Variants in PTPRQ observed in about 807,000 individuals in gnomAD.
PTPRQ encodes phosphatidylinositol phosphatase PTPRQ.
A neutral mutation model predicts 246.0 loss-of-function variants in PTPRQ; 199 were observed. The observed-to-expected ratio is 0.81, with a 90% CI of 0.72 to 0.91. PTPRQ has a LOEUF of 0.91. PTPRQ is among the 40% of genes least tolerant of loss of function. The probability of loss-of-function intolerance (pLI) is 0.00; values close to 1 mark genes in which losing one functional copy is unlikely to be tolerated. For missense variants in PTPRQ, 2,624 were observed against 2,528.4 expected, an observed-to-expected ratio of 1.04 and a Z score of -0.81; for synonymous variants, 869 against 853.2, an observed-to-expected ratio of 1.02 and a Z score of -0.32.
chr12:80,569,149 T>G (rs1897066726), intron 25 of PTPRQ, among the ~76,000 whole-genome samples: 1 of 147,942 alleles, frequency 6.8e-6, no homozygotes, highest in African/African-American at 2.5e-5. Context: ...TTTTTTTTTT[T>G]ACTTTTTAAA....
Position 80,510,325 on chromosome 12 carries a change from C to G in PTPRQ, c.2560C>G (p.Pro854Ala). The G allele has an allele frequency of 6.5e-7, 1 of 1,542,698 alleles. No homozygotes were observed. The highest frequency in any genetic ancestry group is 8.7e-7 in the Non-Finnish European group (1 of 1,142,892). ...TATTCTATACCCTAACTTTACAGCTCCTGATTCTCCCCCTCAAGACTTCTC... is the reference window on the plus strand; with the variant it reads ...TATTCTATACCCTAACTTTACAGCTGCTGATTCTCCCCCTCAAGACTTCTC... ...PISILTEEDA[P>A]DSPPQDFSVK... The change falls in exon 17 of 45, where the codon CCT becomes GCT. Residue 854 changes from proline (P) to alanine (A), a missense_variant and splice_region_variant. Transcript: ENST00000644991.
intron 42 of PTPRQ, among the ~76,000 whole-genome samples, 200 bp downstream of exon 42, chr12:80,670,692 C>G (rs995197992): frequency 6.6e-6 from 1 of 151,952 alleles, no homozygotes; most frequent in African/African-American, 2.4e-5. Context: ...TGACTCGAGT[C>G]TTTTTCACAG....
intron 26 of PTPRQ, among the ~76,000 whole-genome samples, chr12:80,589,182 G>A (rs1897712596): frequency 6.6e-6 from 1 of 152,074 alleles, no homozygotes; most frequent in Non-Finnish European, 1.5e-5. Flanking sequence ...CCATAATTAA[G>A]TAAAAAATGT....
At chr12:80,450,963 C>A (rs796614577) in intron 3 of PTPRQ, among the ~76,000 whole-genome samples, 1 of 152,182 alleles carries the variant, frequency 6.6e-6, no homozygotes, top group East Asian at 1.9e-4. Context: ...GTACCAGTTC[C>A]TCCTTGTACC....
rs548898060 is a variant in PTPRQ at position 80,461,059 on chromosome 12, A to G, written c.910+157A>G. 6.6e-5 allele frequency among the ~76,000 whole-genome samples: 10 copies of G among 152,312 alleles called. No homozygotes were observed. The East Asian group carries it at 9.6e-4, about 15-fold the overall frequency. On this transcript the variant is annotated intron_variant, in intron 6 of 44. Coordinates refer to ENST00000644991, the MANE Select transcript of PTPRQ (RefSeq NM_001145026.2). ...CCATCAAGGGTTTCTTCGAATTTCT[A>G]TACTCTTTTATATTATAGCACAAAA...
chr12:80,545,051 C>T (rs574108128), intron 23 of PTPRQ, among the ~76,000 whole-genome samples: 4 of 152,190 alleles, frequency 2.6e-5, no homozygotes, highest in African/African-American at 9.6e-5. Context: ...GTTCACTATC[C>T]CATAAACTAT....
intron 26 of PTPRQ, 151 bp from the exon 27 acceptor site, chr12:80,604,908 G>A (rs766704137): frequency 1.5e-5 from 11 of 718,430 alleles, no homozygotes; most frequent in Non-Finnish European, 2.1e-5. Flanking sequence ...TTTTTATTTG[G>A]TAATGCCTTT....
chr12:80,677,531 A>G (rs1901185225), intron 43 of PTPRQ, among the ~76,000 whole-genome samples: 1 of 152,218 alleles, frequency 6.6e-6, no homozygotes, highest in Non-Finnish European at 1.5e-5. Flanking sequence ...CTTATTATAC[A>G]ACTACTATGT....
At chr12:80,476,139 A>G (rs1893803359) in intron 8 of PTPRQ, among the ~76,000 whole-genome samples, 1 of 151,954 alleles carries the variant, frequency 6.6e-6, no homozygotes, top group African/African-American at 2.4e-5. Flanking sequence ...AATACTGGCT[A>G]TTGTTTTGTC....
intron 6 of PTPRQ, among the ~76,000 whole-genome samples, chr12:80,463,737 T>G (rs982657774): frequency 3.3e-5 from 5 of 151,408 alleles, no homozygotes; most frequent in Admixed American, 1.3e-4. Context: ...AAAAGAATTT[T>G]CAATCCAGAA....
chr12:80,665,464 C>T (rs1277382218), intron 39 of PTPRQ, among the ~76,000 whole-genome samples: 2 of 151,974 alleles, frequency 1.3e-5, no homozygotes, highest in Non-Finnish European at 2.9e-5. Context: ...ATCTAATTGC[C>T]TTCGTGGCAT....
At chr12:80,597,747 C>A (rs1332422814) in intron 26 of PTPRQ, among the ~76,000 whole-genome samples, 1 of 151,926 alleles carries the variant, frequency 6.6e-6, no homozygotes, top group Admixed American at 6.6e-5. Flanking sequence ...ACCTGGAGGA[C>A]TGTTAATTAC....
chr12:80,565,381 T>C (rs780189616), intron 25 of PTPRQ, among the ~76,000 whole-genome samples: 7 of 152,230 alleles, frequency 4.6e-5, no homozygotes, highest in Non-Finnish European at 8.8e-5. Context: ...AGTGTTTTTA[T>C]TAACTTATTT....
At chr12:80,545,173 G>T (rs1896267119) in intron 23 of PTPRQ, among the ~76,000 whole-genome samples, 1 of 151,974 alleles carries the variant, frequency 6.6e-6, no homozygotes, top group African/African-American at 2.4e-5. Flanking sequence ...TTCAGAAATT[G>T]TAGATTTCTC....
chr12:80,660,528 A>T (rs1458844186), intron 39 of PTPRQ, among the ~76,000 whole-genome samples: 2 of 152,024 alleles, frequency 1.3e-5, no homozygotes, highest in African/African-American at 2.4e-5. Context: ...GGTTTTCAAG[A>T]GAGTCAAAAA....
chr12:80,553,189 A>G (rs990139395), intron 25 of PTPRQ, among the ~76,000 whole-genome samples: 3 of 152,148 alleles, frequency 2.0e-5, no homozygotes, highest in Non-Finnish European at 4.4e-5. Context: ...AGGCAAAATT[A>G]TAAATATTTT....
At chr12:80,535,073 A>G in intron 19 of PTPRQ, 36 bp downstream of exon 19, 1 of 1,465,318 alleles carries the variant, frequency 6.8e-7, no homozygotes, top group Non-Finnish European at 9.0e-7. Flanking sequence ...CTTTATTAAC[A>G]TCCTTAAGTT....
intron 10 of PTPRQ, among the ~76,000 whole-genome samples, chr12:80,493,696 C>G (rs905630472): frequency 6.6e-6 from 1 of 151,972 alleles, no homozygotes; most frequent in African/African-American, 2.4e-5. Context: ...AGTCTCTGGC[C>G]AAGCTGCATA....
At chr12:80,528,136 C>T (rs187548945) in intron 17 of PTPRQ, among the ~76,000 whole-genome samples, 16 of 152,050 alleles carry the variant, frequency 1.1e-4, no homozygotes, top group Admixed American at 2.6e-4. Flanking sequence ...AACCTTATGA[C>T]AATAAATTTC....
Sources: allele counts gnomAD v4.1 joint callset (sites outside exome capture counted in the v4.1 genomes callset), GRCh38; gene constraint gnomAD v4.1.1; transcripts MANE v1.5; gene names NCBI Gene and HGNC (gene_info 2026-07-23, HGNC 2026-07-21).